GAS2: variants seen among roughly 807,000 people sequenced by gnomAD.
The protein encoded by GAS2 is growth arrest specific 2.
A neutral mutation model predicts 37.5 loss-of-function variants in GAS2; 20 were observed. The ratio of observed to expected loss-of-function variants is 0.53; its 90% CI spans 0.37 to 0.77. The LOEUF (loss-of-function observed/expected upper bound fraction) is 0.77. Ranked by LOEUF, GAS2 falls within the 30% of genes least tolerant of loss-of-function variation. The pLI, the probability that GAS2 is intolerant of heterozygous loss-of-function variation, is 0.00. For synonymous variants in GAS2, 144 were observed against 132.2 expected, an observed-to-expected ratio of 1.09 and a Z score of -0.61; for missense variants, 336 against 373.4, an observed-to-expected ratio of 0.90 and a Z score of 0.82.
chr11:22,750,387 C>T (rs765553113), intron 6 of GAS2, among the ~76,000 whole-genome samples: 12 of 151,860 alleles, frequency 7.9e-5, no homozygotes, highest in East Asian at 1.9e-4. Context: ...TTAGATGAGC[C>T]GAAATATAAC....
chr11:22,702,798 T>G (rs1364527152), intron 3 of GAS2, among the ~76,000 whole-genome samples: 1 of 152,128 alleles, frequency 6.6e-6, no homozygotes, highest in Non-Finnish European at 1.5e-5. Context: ...TTCTGTACTC[T>G]GCTGAGAATC....
At chr11:22,796,918 G>A (rs1217777503) in intron 7 of GAS2, among the ~76,000 whole-genome samples, 1 of 152,036 alleles carries the variant, frequency 6.6e-6, no homozygotes, top group Non-Finnish European at 1.5e-5. Flanking sequence ...TCCTAAATAG[G>A]TTATTATATC....
chr11:22,674,329 A>G (rs1300742164), intron 1 of GAS2, among the ~76,000 whole-genome samples: 1 of 151,892 alleles, frequency 6.6e-6, no homozygotes, highest in Admixed American at 6.6e-5. Context: ...CTAAATTGTG[A>G]GTCCATGATT....
intron 5 of GAS2, among the ~76,000 whole-genome samples, chr11:22,745,644 T>C (rs1444715169): frequency 1.3e-5 from 2 of 152,128 alleles, no homozygotes; most frequent in African/African-American, 2.4e-5. Flanking sequence ...ATAAATTCAA[T>C]GGAGTAAGAA....
intron 1 of GAS2, among the ~76,000 whole-genome samples, chr11:22,659,911 AGGAAGGGAGG>A (rs1215271904): frequency 3.4e-4 from 42 of 125,262 alleles, no homozygotes; most frequent in Non-Finnish European, 7.1e-4. Flanking sequence ...GAAGGGAGGG[AGGAAGGGAGG>A]GAGGGAGGGA....
intron 3 of GAS2, among the ~76,000 whole-genome samples, chr11:22,713,076 A>AAAAAG (rs1459445275): frequency 6.6e-6 from 1 of 151,060 alleles, no homozygotes; most frequent in African/African-American, 2.4e-5. Context: ...AAAAAAAAAA[A>AAAAAG]AAAAGAAAAG....
At chr11:22,798,913 A>G (rs1856544717) in intron 7 of GAS2, among the ~76,000 whole-genome samples, 1 of 152,088 alleles carries the variant, frequency 6.6e-6, no homozygotes, top group Admixed American at 6.6e-5. Context: ...AGCATATGCC[A>G]TTTCAGAATA....
chr11:22,651,193 G>A (rs143096796), intron 1 of GAS2, among the ~76,000 whole-genome samples: 36,088 of 151,464 alleles, frequency 0.24, 5,625 homozygotes, highest in African/African-American at 0.43. Context: ...AGTTTGGCTG[G>A]ATATGAAATT....
At chr11:22,707,963 G>A (rs1288529821) in intron 3 of GAS2, among the ~76,000 whole-genome samples, 3 of 152,152 alleles carry the variant, frequency 2.0e-5, no homozygotes, top group Non-Finnish European at 4.4e-5. Context: ...GTTGGGTAAA[G>A]TTTCTACATT....
At chr11:22,737,617 C>A in intron 4 of GAS2, 88 bp from the exon 5 acceptor site, 1 of 1,210,284 alleles carries the variant, frequency 8.3e-7, no homozygotes. Context: ...CCTGGGAGCA[C>A]GAGGAATGAG....
intron 1 of GAS2, among the ~76,000 whole-genome samples, chr11:22,632,399 G>C (rs537998025): frequency 6.6e-6 from 1 of 152,256 alleles, no homozygotes; most frequent in African/African-American, 2.4e-5. Context: ...GGCTTATAAG[G>C]CTTCTGCTGA....
chr11:22,808,836 G>A (rs563453632), intron 7 of GAS2, among the ~76,000 whole-genome samples: 1 of 152,344 alleles, frequency 6.6e-6, no homozygotes, highest in African/African-American at 2.4e-5. Flanking sequence ...TTTTGTCCCA[G>A]TGACTTCAAA....
At chr11:22,632,471 G>T (rs1858757021) in intron 1 of GAS2, among the ~76,000 whole-genome samples, 1 of 152,012 alleles carries the variant, frequency 6.6e-6, no homozygotes, top group South Asian at 2.1e-4. Flanking sequence ...TTTTCACACT[G>T]CTCTTGGAAT....
intron 3 of GAS2, among the ~76,000 whole-genome samples, chr11:22,707,020 T>G (rs535220265): frequency 2.8e-4 from 42 of 152,228 alleles, no homozygotes; most frequent in African/African-American, 9.9e-4. Context: ...TTTTAATGAT[T>G]GCCATTCTAA....
chr11:22,776,477 G>C (rs1291248229), intron 7 of GAS2, among the ~76,000 whole-genome samples: 1 of 152,148 alleles, frequency 6.6e-6, no homozygotes, highest in Non-Finnish European at 1.5e-5. Context: ...AATATGGAAG[G>C]CAGTAGTTGT....
intron 7 of GAS2, among the ~76,000 whole-genome samples, chr11:22,768,399 G>A (rs935445677): frequency 6.6e-6 from 1 of 152,178 alleles, no homozygotes; most frequent in Admixed American, 6.5e-5. Context: ...CCCAATTGTA[G>A]CTTTCTTTTA....
At chr11:22,716,643 C>CAAAAAAA (rs71037523) in intron 3 of GAS2, among the ~76,000 whole-genome samples, 1 of 132,546 alleles carries the variant, frequency 7.5e-6, no homozygotes, top group African/African-American at 2.8e-5. Flanking sequence ...GTCTCTGTCT[C>CAAAAAAA]AAAAAAAAAA....
At chr11:22,693,986 G>A (rs1178865928) in intron 3 of GAS2, among the ~76,000 whole-genome samples, 2 of 152,184 alleles carry the variant, frequency 1.3e-5, no homozygotes, top group South Asian at 4.1e-4. Context: ...CACATACAGG[G>A]GAACAACACA....
chr11:22,809,550 C>T (rs566292269), intron 7 of GAS2, among the ~76,000 whole-genome samples: 6 of 151,996 alleles, frequency 3.9e-5, no homozygotes, highest in South Asian at 4.2e-4. Flanking sequence ...TGCAGTGGCA[C>T]GATCTCAGCT....
Sources: allele counts gnomAD v4.1 joint callset (sites outside exome capture counted in the v4.1 genomes callset), GRCh38; gene constraint gnomAD v4.1.1; transcripts MANE v1.5; gene names NCBI Gene and HGNC (gene_info 2026-07-23, HGNC 2026-07-21).